Variants in EDC3 observed in about 807,000 individuals in gnomAD.
The protein encoded by EDC3 is enhancer of mRNA-decapping protein 3.
A neutral mutation model predicts 41.8 loss-of-function variants in EDC3; 20 were observed. That is an observed-to-expected ratio of 0.48 (90% CI 0.34 to 0.70). The LOEUF (loss-of-function observed/expected upper bound fraction) is 0.70, where lower values mean the gene tolerates loss of function less well. EDC3 is among the 30% of genes least tolerant of loss of function. The pLI, the probability that EDC3 is intolerant of heterozygous loss-of-function variation, is 0.01. For missense variants in EDC3, 444 were observed against 636.8 expected, an observed-to-expected ratio of 0.70 and a Z score of 3.26; for synonymous variants, 206 against 243.2, an observed-to-expected ratio of 0.85 and a Z score of 1.42.
At chr15:74,665,040 T>G (rs985340007) in intron 3 of EDC3, among the ~76,000 whole-genome samples, 1 of 152,224 alleles carries the variant, frequency 6.6e-6, no homozygotes, top group African/African-American at 2.4e-5. Context: ...TTGTTTGTTT[T>G]GAGATGCAGT....
At chr15:74,639,469 T>G (rs1432851063) in intron 5 of EDC3, 1 of 152,106 alleles carries the variant, frequency 6.6e-6, no homozygotes, top group Admixed American at 6.5e-5. Flanking sequence ...TCCCAGCACT[T>G]TGGGAGGCAG....
intron 2 of EDC3, among the ~76,000 whole-genome samples, chr15:74,674,596 G>C (rs2062779931): frequency 6.6e-6 from 1 of 152,162 alleles, no homozygotes; most frequent in South Asian, 2.1e-4. Flanking sequence ...GCTCTGACAA[G>C]GATTATGGGT....
chr15:74,679,399 T>G (rs564280496), intron 1 of EDC3, among the ~76,000 whole-genome samples: 1 of 152,194 alleles, frequency 6.6e-6, no homozygotes, highest in East Asian at 1.9e-4. Flanking sequence ...TCACATATAT[T>G]TAGGTCCCTA....
At chr15:74,633,903 T>C (rs565601443) in intron 6 of EDC3, among the ~76,000 whole-genome samples, 28 of 152,244 alleles carry the variant, frequency 1.8e-4, no homozygotes, top group Non-Finnish European at 3.4e-4. Context: ...GGAGTCCCTG[T>C]GGGTGATGAG....
intron 1 of EDC3, among the ~76,000 whole-genome samples, chr15:74,680,260 C>CAAAAAAAAAAAAAAAAAAAAAAAAA: frequency 1.6e-5 from 1 of 64,284 alleles, no homozygotes; most frequent in Non-Finnish European, 2.8e-5. Flanking sequence ...GACTCCATCT[C>CAAAAAAAAAAAAAAAAAAAAAAAAA]AAAAAAAAAA....
intron 4 of EDC3, 155 bp from the exon 5 acceptor site, chr15:74,640,774 A>G: frequency 1.2e-6 from 1 of 811,666 alleles, no homozygotes; most frequent in Non-Finnish European, 1.9e-6. Context: ...CACGCTCTGC[A>G]GCTCTGCAGA....
intron 4 of EDC3, among the ~76,000 whole-genome samples, chr15:74,649,127 C>A (rs972057457): frequency 6.8e-6 from 1 of 146,116 alleles, no homozygotes; most frequent in Non-Finnish European, 1.5e-5. Flanking sequence ...TGCAGTGGCA[C>A]AATCTCAGCT....
At chr15:74,634,548 T>G (rs2062248202) in intron 6 of EDC3, among the ~76,000 whole-genome samples, 1 of 152,162 alleles carries the variant, frequency 6.6e-6, no homozygotes, top group African/African-American at 2.4e-5. Context: ...AAGCTGAGCT[T>G]CTGCTGTTCC....
Position 74,632,153 on chromosome 15 carries a change from G to A in EDC3, c.*459C>T, listed in dbSNP as rs556410138. 26 of 199,326 alleles carry A rather than the reference G, an allele frequency of 1.3e-4. No homozygotes were observed. Among genetic ancestry groups the A allele is most frequent in the African/African-American group, 3.4e-4 (15 of 43,484 alleles). The allele number at this position is 199,326 out of a possible 1,614,324, so 12.3% of individuals were successfully genotyped here. ...GTCTGCCCTCTGGTGGACAGCTGCC[G>A]TGCAGCTGGTTCTACAGAGGAAGGG... On this transcript the variant is annotated 3_prime_UTR_variant, in exon 7 of 7. Transcript: ENST00000315127. The surrounding 1 kb of genome is among the most constrained non-coding windows in gnomAD (Gnocchi z 4.0).
chr15:74,658,624 GAAAAA>G (rs60193835), intron 3 of EDC3, among the ~76,000 whole-genome samples: 17 of 39,042 alleles, frequency 4.4e-4, no homozygotes, highest in African/African-American at 1.2e-3. Context: ...TTACGTCTCT[GAAAAA>G]AAAAAAAAAA....
At chr15:74,640,382 T>C in intron 5 of EDC3, 84 bp downstream of exon 5, 1 of 1,453,068 alleles carries the variant, frequency 6.9e-7, no homozygotes, top group East Asian at 2.3e-5. Flanking sequence ...TGAACTCGTA[T>C]GTGTGTATGG....
At chr15:74,661,629 G>A (rs895282454) in intron 3 of EDC3, among the ~76,000 whole-genome samples, 2 of 151,578 alleles carry the variant, frequency 1.3e-5, no homozygotes, top group East Asian at 1.9e-4. Flanking sequence ...TACTCAGGAG[G>A]CTGAGGCACG....
chr15:74,633,050 A>C (rs2062231485), intron 6 of EDC3, 104 bp from the exon 7 acceptor site: 6 of 1,207,810 alleles, frequency 5.0e-6, no homozygotes, highest in Non-Finnish European at 6.9e-6. Flanking sequence ...TTTTCCAGAC[A>C]CCACTCGAAT....
intron 3 of EDC3, among the ~76,000 whole-genome samples, chr15:74,663,450 T>C (rs1475540729): frequency 6.6e-6 from 1 of 152,070 alleles, no homozygotes; most frequent in Non-Finnish European, 1.5e-5. Context: ...GCATCCCTAA[T>C]CCAAACATCC....
chr15:74,671,371 G>T lies in EDC3; in HGVS notation c.484+84C>A. On this transcript the variant is annotated intron_variant, in intron 3 of 6. Coordinates refer to ENST00000315127, the MANE Select transcript of EDC3 (RefSeq NM_025083.5). This position sits in a 1 kb window ranked among gnomAD's most constrained non-coding sequence, Gnocchi z 4.6. ...CATCCATTTTATTGGAATAACAAAG[G>T]ATTTGTTTAAAGAGCAGCAGTGCTT... 1 of 1,399,050 alleles carries T rather than the reference G, an allele frequency of 7.1e-7. No homozygotes were observed. Among genetic ancestry groups the T allele is most frequent in the Non-Finnish European group, 9.8e-7 (1 of 1,021,878 alleles). 86.7% of individuals were successfully genotyped at this position (1,399,050 alleles called of 1,614,324 possible). A position where few individuals can be genotyped will look rare whatever the true frequency, so the allele number is the denominator to read the frequency against.
chr15:74,645,376 A>T (rs2062401108), intron 4 of EDC3: 1 of 152,204 alleles, frequency 6.6e-6, no homozygotes, highest in African/African-American at 2.4e-5. Flanking sequence ...TTTAGGGATG[A>T]AATCTAATGA....
At chr15:74,635,766 C>T in intron 5 of EDC3, 140 bp from the exon 6 acceptor site, 2 of 766,194 alleles carry the variant, frequency 2.6e-6, no homozygotes, top group South Asian at 3.7e-5. Flanking sequence ...CAGAGGGGGA[C>T]AAAATCCACT....
chr15:74,693,485 AT>A (rs1259482789), intron 1 of EDC3, among the ~76,000 whole-genome samples: 1 of 152,198 alleles, frequency 6.6e-6, no homozygotes, highest in Non-Finnish European at 1.5e-5. Flanking sequence ...AAGGCACCAA[AT>A]CCAATAAGCA....
intron 4 of EDC3, 157 bp from the exon 5 acceptor site, chr15:74,640,776 C>T (rs1170233914): frequency 1.2e-6 from 1 of 804,630 alleles, no homozygotes; most frequent in African/African-American, 1.7e-5. Context: ...CGCTCTGCAG[C>T]TCTGCAGAGC....
Sources: allele counts gnomAD v4.1 joint callset (sites outside exome capture counted in the v4.1 genomes callset), GRCh38; gene constraint gnomAD v4.1.1; non-coding constraint Gnocchi (gnomAD v3.1); transcripts MANE v1.5; gene names NCBI Gene and HGNC (gene_info 2026-07-23, HGNC 2026-07-21).